The following SRPK2 variants were observed in gnomAD, a reference collection of about 807,000 sequenced individuals.
SRPK2 encodes the protein SRSF protein kinase 2.
SRPK2 carries 21 observed loss-of-function variants against 90.8 expected under a neutral mutation model. The ratio of observed to expected loss-of-function variants is 0.23; its 90% CI spans 0.16 to 0.33. The LOEUF is 0.33. Ranked by LOEUF, SRPK2 falls within the 10% of genes least tolerant of loss-of-function variation. The pLI is 1.00. For synonymous variants in SRPK2, 288 were observed against 311.1 expected, an observed-to-expected ratio of 0.93 and a Z score of 0.78; for missense variants, 620 against 869.0, an observed-to-expected ratio of 0.71 and a Z score of 3.60.
chr7:105,182,620 T>A (rs1793028273), intron 3 of SRPK2, among the ~76,000 whole-genome samples: 1 of 152,022 alleles, frequency 6.6e-6, no homozygotes, highest in African/African-American at 2.4e-5. Context: ...CCCGGCTAAT[T>A]TTTGTGTTTT....
Position 105,337,954 on chromosome 7 carries a change from T to G in SRPK2, c.71+50694A>C, listed in dbSNP as rs188764347. Among the ~76,000 whole-genome samples, 17 of 151,134 alleles carry G rather than the reference T, an allele frequency of 1.1e-4. No individual in the cohort carries two copies. The East Asian group carries it at 2.7e-3, about 24-fold the overall frequency. ...ATACAGTTGCAAAAAAGAAAAAAAATGGAACAAAATCTTAATGATTGTTAA... is the reference window on the plus strand; with the variant it reads ...ATACAGTTGCAAAAAAGAAAAAAAAGGGAACAAAATCTTAATGATTGTTAA... On this transcript the variant is annotated intron_variant, in intron 2 of 15. Transcript: ENST00000393651.
chr7:105,359,702 AT>A (rs1818211962), intron 2 of SRPK2, among the ~76,000 whole-genome samples: 1 of 152,102 alleles, frequency 6.6e-6, no homozygotes, highest in Non-Finnish European at 1.5e-5. Context: ...TGGCTCTTGA[AT>A]TTCTCACAAT....
chr7:105,338,089 A>AAC (rs1815319871), intron 2 of SRPK2, among the ~76,000 whole-genome samples: 1 of 149,182 alleles, frequency 6.7e-6, no homozygotes. Flanking sequence ...TTAAAAAAAA[A>AAC]AAAAACTTTT....
chr7:105,205,948 T>C (rs1796181336), intron 2 of SRPK2: 1 of 512,400 alleles, frequency 2.0e-6, no homozygotes, highest in Non-Finnish European at 3.9e-6. Context: ...CACACACACA[T>C]TGAGTTTGCT....
At chr7:105,309,746 A>T (rs2131368325) in intron 2 of SRPK2, among the ~76,000 whole-genome samples, 1 of 152,326 alleles carries the variant, frequency 6.6e-6, no homozygotes, top group African/African-American at 2.4e-5. Context: ...CCACATGATC[A>T]CATCTACAGA....
chr7:105,322,689 C>T (rs1475925631), intron 2 of SRPK2, among the ~76,000 whole-genome samples: 3 of 151,834 alleles, frequency 2.0e-5, no homozygotes, highest in Admixed American at 2.0e-4. Context: ...GTATTAAATG[C>T]CACTGAACTG....
intron 2 of SRPK2, among the ~76,000 whole-genome samples, chr7:105,315,262 C>T (rs1238815235): frequency 6.6e-6 from 1 of 152,128 alleles, no homozygotes; most frequent in Admixed American, 6.5e-5. Flanking sequence ...ATTAATCTAA[C>T]AACTGGGAAA....
At chr7:105,228,869 T>G (rs2129619201) in intron 2 of SRPK2, among the ~76,000 whole-genome samples, 2 of 152,310 alleles carry the variant, frequency 1.3e-5, no homozygotes, top group South Asian at 4.1e-4. Context: ...TGCTCCCTCC[T>G]GCAAGCGCTG....
chr7:105,183,775 C>T (rs537283995), intron 3 of SRPK2, among the ~76,000 whole-genome samples: 1 of 152,202 alleles, frequency 6.6e-6, no homozygotes, highest in South Asian at 2.1e-4. Context: ...CAGGTGTGAG[C>T]CACCACGCCC....
intron 2 of SRPK2, chr7:105,301,555 G>C (rs1258604774): frequency 6.4e-7 from 1 of 1,571,292 alleles, no homozygotes; most frequent in African/African-American, 1.4e-5. Flanking sequence ...GGAACTAGAA[G>C]CATTACGCTC....
At chr7:105,178,272 C>T (rs1792257587) in intron 3 of SRPK2, among the ~76,000 whole-genome samples, 2 of 152,082 alleles carry the variant, frequency 1.3e-5, no homozygotes, top group East Asian at 1.9e-4. Context: ...TTTAAAAGCA[C>T]TTAGTAGCAA....
At position 105,160,576 on chromosome 7, in the gene SRPK2, G is replaced by A. The variant is rs1159623176; in HGVS notation, c.552C>T (p.Leu184=). 6.2e-7 allele frequency: 1 copy of A among 1,613,824 alleles called. No homozygotes were observed. Among genetic ancestry groups the A allele is most frequent in the South Asian group, 1.1e-5 (1 of 91,064 alleles). ...CMVFEVLGHH[L]LKWIIKSNYQ... is the part of the protein sequence containing the mutation. ...AGTTGGATTTGATGATCCACTTGAG[G>A]AGATGGTGGCCAAGTACTTCGAAGA... The change falls in exon 7 of 16, where the codon CTC becomes CTT. Residue 184 remains leucine (L), a synonymous_variant. Transcript: ENST00000393651.
chr7:105,231,387 C>T (rs181660266), intron 2 of SRPK2, among the ~76,000 whole-genome samples: 62 of 152,210 alleles, frequency 4.1e-4, no homozygotes, highest in African/African-American at 1.3e-3. Flanking sequence ...CACATGAATG[C>T]GTCTTCATGG....
Position 105,388,821 on chromosome 7 carries a change from A to T in SRPK2, c.-15T>A. On this transcript the variant is annotated 5_prime_UTR_variant, in exon 1 of 16. Coordinates refer to ENST00000393651, the MANE Select transcript of SRPK2 (RefSeq NM_182692.3). ...CGGGAGCTCATTCCGACGCGGCGGA[A>T]GCGGGGCGGGGGGCTTCGCGACGGC... 7.1e-7 allele frequency: 1 copy of T among 1,404,748 alleles called. No homozygotes were observed. Among genetic ancestry groups the T allele is most frequent in the Non-Finnish European group, 9.3e-7 (1 of 1,079,562 alleles). 87.0% of individuals were successfully genotyped at this position (1,404,748 alleles called of 1,614,324 possible). A position where few individuals can be genotyped will look rare whatever the true frequency, so the allele number is the denominator to read the frequency against.
In SRPK2 at chr7:105,206,691, T is replaced by C. The variant is rs58959327; in HGVS notation, c.72-2906A>G. On this transcript the variant is annotated intron_variant, in intron 2 of 15. Transcript: ENST00000393651. Reference sequence around the variant, plus strand: ...GGGGTTATCGGGCACATGAAGTAGCTAGTTCAAACTGAGATGTGCCAGAAG... The same window carrying C: ...GGGGTTATCGGGCACATGAAGTAGCCAGTTCAAACTGAGATGTGCCAGAAG... 3.2e-3 allele frequency among the ~76,000 whole-genome samples: 492 copies of C among 152,342 alleles called. 3 individuals carry two copies. The highest frequency in any genetic ancestry group is 0.011 in the African/African-American group (472 of 41,574).
At chr7:105,333,499 T>C (rs1585753072) in intron 2 of SRPK2, among the ~76,000 whole-genome samples, 2 of 152,298 alleles carry the variant, frequency 1.3e-5, no homozygotes, top group African/African-American at 2.4e-5. Flanking sequence ...AAACAATACA[T>C]TACAGAACAA....
At chr7:105,181,895 A>C (rs562644979) in intron 3 of SRPK2, among the ~76,000 whole-genome samples, 5,969 of 145,086 alleles carry the variant, frequency 0.041, 536 homozygotes, top group African/African-American at 0.14. Flanking sequence ...AAAAAAAAAA[A>C]ACAGAAAACA....
At chr7:105,268,544 G>A (rs1805403002) in intron 2 of SRPK2, among the ~76,000 whole-genome samples, 1 of 152,070 alleles carries the variant, frequency 6.6e-6, no homozygotes, top group African/African-American at 2.4e-5. Context: ...GCCTTCAACA[G>A]CTGTCACACA....
intron 2 of SRPK2, among the ~76,000 whole-genome samples, chr7:105,349,841 C>G (rs1585830895): frequency 6.6e-6 from 1 of 151,872 alleles, no homozygotes; most frequent in South Asian, 2.1e-4. Context: ...CAGGTTCAAG[C>G]GATTCTCCTG....
Sources: allele counts gnomAD v4.1 joint callset (sites outside exome capture counted in the v4.1 genomes callset), GRCh38; gene constraint gnomAD v4.1.1; transcripts MANE v1.5; gene names NCBI Gene and HGNC (gene_info 2026-07-23, HGNC 2026-07-21).